Variants in EPB41L3 observed in about 807,000 individuals in gnomAD.
EPB41L3 encodes the protein band 4.1-like protein 3.
EPB41L3 carries 57 observed loss-of-function variants against 127.1 expected under a neutral mutation model. That is an observed-to-expected ratio of 0.45 (90% confidence interval 0.36 to 0.56). EPB41L3 has a LOEUF of 0.56. EPB41L3 is among the 20% of genes least tolerant of loss of function. EPB41L3 has a pLI of 0.00. For missense variants in EPB41L3, 1,273 were observed against 1,372.2 expected (o/e 0.93, Z 1.14); for synonymous variants, 572 against 549.5 (o/e 1.04, Z -0.57).
intron 3 of EPB41L3, among the ~76,000 whole-genome samples, chr18:5,462,042 AATGCTGGAGGCT>A: frequency 6.6e-6 from 1 of 152,278 alleles, no homozygotes; most frequent in East Asian, 1.9e-4. Flanking sequence ...AAACTAGAAA[AATGCTGGAGGCT>A]ACACTTAAAG....
At chr18:5,616,570 T>A (rs1183878770) in intron 1 of EPB41L3, among the ~76,000 whole-genome samples, 2 of 152,182 alleles carry the variant, frequency 1.3e-5, no homozygotes, top group Non-Finnish European at 2.9e-5. Context: ...AAAATACATA[T>A]ACATATGTAA....
intron 16 of EPB41L3, chr18:5,400,244 T>C (rs2074284941): frequency 1.7e-5 from 3 of 179,328 alleles, no homozygotes; most frequent in Non-Finnish European, 3.6e-5. Flanking sequence ...TAAGAAACTT[T>C]TGTATTCAGG....
At chr18:5,513,043 T>C (rs2092605006) in intron 1 of EPB41L3, among the ~76,000 whole-genome samples, 1 of 152,192 alleles carries the variant, frequency 6.6e-6, no homozygotes, top group Non-Finnish European at 1.5e-5. Flanking sequence ...GGATGGTATG[T>C]TCGATCCCTG....
At chr18:5,624,876 G>A (rs1452795906) in intron 1 of EPB41L3, among the ~76,000 whole-genome samples, 3 of 152,224 alleles carry the variant, frequency 2.0e-5, no homozygotes, top group East Asian at 1.9e-4. Flanking sequence ...ATGAGAGAGA[G>A]AGATCTCTTC....
At chr18:5,417,033 G>A (rs1447975623) in intron 12 of EPB41L3, among the ~76,000 whole-genome samples, 4 of 152,158 alleles carry the variant, frequency 2.6e-5, no homozygotes, top group East Asian at 1.9e-4. Context: ...AAGAACTGAA[G>A]TTCCCTTGAA....
chr18:5,459,229 T>C (rs1000502550), intron 3 of EPB41L3, among the ~76,000 whole-genome samples: 2 of 152,106 alleles, frequency 1.3e-5, no homozygotes, highest in Non-Finnish European at 2.9e-5. Flanking sequence ...TCCCAGGAAT[T>C]GGAGTACAGC....
intron 8 of EPB41L3, among the ~76,000 whole-genome samples, chr18:5,430,557 C>A (rs76507600): frequency 1.4e-5 from 2 of 146,282 alleles, no homozygotes; most frequent in African/African-American, 5.0e-5. Flanking sequence ...TTTGAGAAAT[C>A]TTTTTTTTTT....
chr18:5,613,817 G>A (rs2094758851), intron 2 of EPB41L3, among the ~76,000 whole-genome samples: 1 of 151,862 alleles, frequency 6.6e-6, no homozygotes, highest in South Asian at 2.1e-4. Context: ...TTTTGTTTTG[G>A]GAAACACAGT....
At chr18:5,458,611 T>C (rs538053006) in intron 3 of EPB41L3, among the ~76,000 whole-genome samples, 4 of 152,248 alleles carry the variant, frequency 2.6e-5, no homozygotes, top group African/African-American at 9.6e-5. Flanking sequence ...CCTGGATAAC[T>C]AGGAAAAATA....
intron 1 of EPB41L3, among the ~76,000 whole-genome samples, chr18:5,537,874 G>C (rs140736466): frequency 1.4e-3 from 216 of 152,168 alleles, no homozygotes; most frequent in African/African-American, 5.0e-3. Context: ...TCCTTTTATA[G>C]GAAACAATCA....
At chr18:5,464,563 G>A (rs998339382) in intron 3 of EPB41L3, among the ~76,000 whole-genome samples, 4 of 152,100 alleles carry the variant, frequency 2.6e-5, no homozygotes, top group Admixed American at 6.5e-5. Flanking sequence ...GAGCTGGGTC[G>A]CTTTCCATCT....
chr18:5,462,491 C>G (rs142345120), intron 3 of EPB41L3, among the ~76,000 whole-genome samples: 2 of 152,148 alleles, frequency 1.3e-5, no homozygotes. Context: ...TGCTTTTCTA[C>G]GCACTCTCTG....
chr18:5,622,524 G>T lies in EPB41L3; in HGVS notation c.-468+6398C>A, dbSNP rs191938120. On this transcript the variant is annotated intron_variant, in intron 1 of 21. Coordinates refer to the EPB41L3 transcript ENST00000545076. ...GTGAGCTAAATAGTAAGGCAATCTT[G>T]CTCATTTTATATTGTATCACCATGT... Among the ~76,000 whole-genome samples, 3 of 152,174 alleles carry T rather than the reference G, an allele frequency of 2.0e-5. No individual in the cohort carries two copies. In the East Asian group the frequency reaches 5.8e-4, roughly 29 times the overall value.
intron 5 of EPB41L3, among the ~76,000 whole-genome samples, chr18:5,443,600 T>C (rs777770822): frequency 5.9e-5 from 9 of 152,222 alleles, no homozygotes; most frequent in Non-Finnish European, 1.2e-4. Flanking sequence ...CTAACATCAG[T>C]TGATTAAATC....
chr18:5,512,645 A>T (rs2092582369), intron 1 of EPB41L3, among the ~76,000 whole-genome samples: 1 of 152,186 alleles, frequency 6.6e-6, no homozygotes, highest in Admixed American at 6.5e-5. Flanking sequence ...ACCATTGAGG[A>T]ATGCGTTTTG....
At chr18:5,567,892 A>C (rs2149242585) in intron 3 of EPB41L3, among the ~76,000 whole-genome samples, 1 of 152,284 alleles carries the variant, frequency 6.6e-6, no homozygotes, top group East Asian at 1.9e-4. Flanking sequence ...AATCCAGAGA[A>C]TATTTTTTAA....
chr18:5,473,565 T>C (rs184334478), intron 3 of EPB41L3, among the ~76,000 whole-genome samples: 23 of 151,510 alleles, frequency 1.5e-4, no homozygotes, highest in African/African-American at 5.3e-4. Flanking sequence ...CGATAGTCAC[T>C]ACGAATACAC....
intron 3 of EPB41L3, among the ~76,000 whole-genome samples, chr18:5,448,221 G>A (rs367783632): frequency 3.3e-5 from 5 of 152,234 alleles, no homozygotes; most frequent in African/African-American, 4.8e-5. Context: ...CACCCAGATC[G>A]GGCATCAGCA....
chr18:5,587,907 C>T (rs993151283), intron 3 of EPB41L3, among the ~76,000 whole-genome samples: 5 of 152,060 alleles, frequency 3.3e-5, no homozygotes, highest in African/African-American at 1.2e-4. Context: ...GAATGTAAAC[C>T]TTTTAGAAAT....
Sources: allele counts gnomAD v4.1 joint callset (sites outside exome capture counted in the v4.1 genomes callset), GRCh38; gene constraint gnomAD v4.1.1; transcripts MANE v1.5; gene names NCBI Gene and HGNC (gene_info 2026-07-23, HGNC 2026-07-21).